The following MYT1 variants were observed in gnomAD, a reference collection of about 807,000 sequenced individuals.
The protein encoded by MYT1 is myelin transcription factor I.
Under a neutral mutation model 123.0 loss-of-function variants are expected in MYT1, and 23 were observed. The observed-to-expected ratio is 0.19, with a 90% confidence interval of 0.13 to 0.26. The LOEUF is 0.26. MYT1 is among the 10% of genes least tolerant of loss of function. MYT1 has a pLI of 1.00. For missense variants in MYT1, 1,125 were observed against 1,472.5 expected (o/e 0.76, Z 3.86); for synonymous variants, 518 against 575.3 (o/e 0.90, Z 1.43).
intron 22 of MYT1, 125 bp downstream of exon 22, chr20:64,240,028 T>G: frequency 7.1e-7 from 1 of 1,413,728 alleles, no homozygotes. Context: ...TGTGCCCTTG[T>G]GGAGATTCTC....
chr20:64,183,088 T>C (rs1982698944), intron 1 of MYT1, among the ~76,000 whole-genome samples: 1 of 152,218 alleles, frequency 6.6e-6, no homozygotes, highest in Non-Finnish European at 1.5e-5. Flanking sequence ...CTACTTTCTA[T>C]CTCTACGAAT....
At chr20:64,194,501 G>A (rs920317824) in intron 2 of MYT1, among the ~76,000 whole-genome samples, 2 of 152,242 alleles carry the variant, frequency 1.3e-5, no homozygotes, top group African/African-American at 4.8e-5. Context: ...CTGGGGCCAG[G>A]ACACCCTCCT....
chr20:64,232,079 C>T lies in MYT1; in HGVS notation c.2676-85C>T. ...CCCTTTAACGGCTCTGAGTTGGGCT[C>T]CCCTTGTGTCTGGCTTGAGAGAGTC... On this transcript the variant is annotated intron_variant, in intron 18 of 22. Transcript: ENST00000328439. This position sits in a 1 kb window ranked among gnomAD's most constrained non-coding sequence, Gnocchi z 6.9. 1 of 1,401,214 alleles carries T rather than the reference C, an allele frequency of 7.1e-7. No individual in the cohort carries two copies. Among genetic ancestry groups the T allele is most frequent in the Non-Finnish European group, 9.9e-7 (1 of 1,005,030 alleles). 86.8% of individuals were successfully genotyped at this position (1,401,214 alleles called of 1,614,324 possible). A position where few individuals can be genotyped will look rare whatever the true frequency, so the allele number is the denominator to read the frequency against.
At position 64,189,275 on chromosome 20, in the gene MYT1, T is replaced by G. The variant is rs960591707; in HGVS notation, c.-98-788T>G. Among the ~76,000 whole-genome samples, 1 of 152,254 alleles carries G rather than the reference T, an allele frequency of 6.6e-6. No homozygotes were observed. The highest frequency in any genetic ancestry group is 1.9e-4 in the East Asian group (1 of 5,200). ...TCCTGTTTCATTGTTGGTTACTTAA[T>G]GACCTTCCTTTGAAATGCTGCAGTT... On this transcript the variant is annotated intron_variant, in intron 1 of 22. Transcript: ENST00000328439. This position sits in a 1 kb window ranked among gnomAD's most constrained non-coding sequence, Gnocchi z 5.5.
At chr20:64,170,035 C>T (rs79970642) in intron 1 of MYT1, among the ~76,000 whole-genome samples, 4,690 of 152,078 alleles carry the variant, frequency 0.031, 204 homozygotes, top group African/African-American at 0.094. Context: ...GTATGACCCT[C>T]ACTGCCCTCG....
chr20:64,218,746 A>C lies in MYT1; in HGVS notation c.1847-165A>C. 6.4e-5 allele frequency: 50 copies of C among 783,236 alleles called. No individual in the cohort carries two copies. Among genetic ancestry groups the C allele is most frequent in the East Asian group, 2.2e-4 (8 of 35,772 alleles). The allele number at this position is 783,236 out of a possible 1,614,324, so 48.5% of individuals were successfully genotyped here. On this transcript the variant is annotated intron_variant, in intron 11 of 22. Transcript: ENST00000328439. The surrounding 1 kb of genome is among the most constrained non-coding windows in gnomAD (Gnocchi z 4.0). ...TGCCCTGGGCCCTCCCATCCCTCCC[A>C]AAGTGCCCCCTCCCCACTGACTTGT... is the stretch of plus-strand genomic sequence containing the variant.
intron 14 of MYT1, among the ~76,000 whole-genome samples, chr20:64,222,853 A>G (rs1984050170): frequency 6.6e-6 from 1 of 152,228 alleles, no homozygotes; most frequent in Non-Finnish European, 1.5e-5. Flanking sequence ...GTGCACACAC[A>G]GCACATGTGC....
intron 21 of MYT1, among the ~76,000 whole-genome samples, chr20:64,238,472 C>T (rs1984616391): frequency 6.6e-6 from 1 of 151,986 alleles, no homozygotes; most frequent in Non-Finnish European, 1.5e-5. Context: ...TACTGGCAAA[C>T]AGGCTCACGT....
At chr20:64,178,167 A>G (rs904768328) in intron 1 of MYT1, among the ~76,000 whole-genome samples, 1 of 152,214 alleles carries the variant, frequency 6.6e-6, no homozygotes, top group Non-Finnish European at 1.5e-5. Flanking sequence ...TTATTTTCAA[A>G]AATACATTTT....
intron 6 of MYT1, among the ~76,000 whole-genome samples, chr20:64,207,058 A>T (rs543585012): frequency 2.2e-4 from 34 of 152,222 alleles, no homozygotes; most frequent in African/African-American, 8.2e-4. Flanking sequence ...TCATTTTTGT[A>T]TTTTTAGTAG....
chr20:64,217,410 AC>A, intron 11 of MYT1, 129 bp downstream of exon 11: 1 of 1,000,526 alleles, frequency 1.0e-6, no homozygotes, highest in Non-Finnish European at 1.5e-6. Context: ...TCATGGGAGG[AC>A]CACGATGCAG....
intron 1 of MYT1, among the ~76,000 whole-genome samples, chr20:64,178,041 G>A (rs766402143): frequency 1.8e-4 from 27 of 152,174 alleles, no homozygotes; most frequent in Non-Finnish European, 2.9e-4. Context: ...GGGACAGAGG[G>A]AGGTGGAGCG....
At chr20:64,217,642 C>T (rs888802678) in intron 11 of MYT1, among the ~76,000 whole-genome samples, 2 of 152,276 alleles carry the variant, frequency 1.3e-5, no homozygotes, top group African/African-American at 4.8e-5. Flanking sequence ...CACTGTCCTC[C>T]TGCTACCTGT....
rs532742237 is a variant in MYT1, at chr20:64,234,128, A to G, written c.2897+1743A>G. The stretch of plus-strand genomic sequence containing the variant: ...CCTAAGGACATCTTACCTTGCCTCA[A>G]TCAACCTTTACTTATGGTGTGGATA... On this transcript the variant is annotated intron_variant, in intron 19 of 22. Coordinates refer to ENST00000328439, the MANE Select transcript of MYT1 (RefSeq NM_004535.3). Among the ~76,000 whole-genome samples the G allele has an allele frequency of 9.2e-4, 140 of 152,378 alleles. 1 individual carries two copies. The highest frequency in any genetic ancestry group is 1.4e-3 in the Non-Finnish European group (94 of 68,028).
intron 1 of MYT1, among the ~76,000 whole-genome samples, chr20:64,175,324 G>A (rs1439274842): frequency 7.6e-5 from 5 of 65,992 alleles, no homozygotes; most frequent in African/African-American, 4.0e-4. Context: ...CCCCTCCCTG[G>A]CTTCTCCTGT....
rs149754791 is a variant in MYT1, at chr20:64,173,152, C to G, written c.-99+8413C>G. On this transcript the variant is annotated intron_variant, in intron 1 of 22. Transcript: ENST00000328439. Reference sequence around the variant, plus strand: ...CTACCCCTTCCCATACCCCAGGATTCAGGCAGGCGAGTCCAGTTGTGCCTG... The same window carrying G: ...CTACCCCTTCCCATACCCCAGGATTGAGGCAGGCGAGTCCAGTTGTGCCTG... Among the ~76,000 whole-genome samples, 640 of 152,210 alleles carry G rather than the reference C, an allele frequency of 4.2e-3. 3 individuals are homozygous for G. The highest frequency in any genetic ancestry group is 0.015 in the African/African-American group (617 of 41,534).
chr20:64,217,979 G>A (rs1460547361), intron 11 of MYT1, among the ~76,000 whole-genome samples: 3 of 152,276 alleles, frequency 2.0e-5, no homozygotes, highest in Non-Finnish European at 4.4e-5. Context: ...AGCATTCAGT[G>A]TACACATGAG....
At chr20:64,195,746 T>G (rs575078911) in intron 2 of MYT1, among the ~76,000 whole-genome samples, 2 of 152,178 alleles carry the variant, frequency 1.3e-5, no homozygotes, top group Non-Finnish European at 2.9e-5. Flanking sequence ...CTGACTTTAC[T>G]AAACAGAAAT....
chr20:64,216,857 C>T (rs1983852290), intron 10 of MYT1, among the ~76,000 whole-genome samples: 2 of 152,226 alleles, frequency 1.3e-5, no homozygotes, highest in Non-Finnish European at 2.9e-5. Context: ...GGCCATTCTT[C>T]ACCGGCCTGC....
Sources: allele counts gnomAD v4.1 joint callset (sites outside exome capture counted in the v4.1 genomes callset), GRCh38; gene constraint gnomAD v4.1.1; non-coding constraint Gnocchi (gnomAD v3.1); transcripts MANE v1.5; gene names NCBI Gene and HGNC (gene_info 2026-07-23, HGNC 2026-07-21).